NBAS: variants seen among roughly 807,000 people sequenced by gnomAD.
NBAS encodes the protein NAG/BC035112 fusion.
Under a neutral mutation model 302.5 loss-of-function variants are expected in NBAS, and 219 were observed. The observed-to-expected ratio is 0.72, with a 90% CI of 0.65 to 0.81. The LOEUF is 0.81. Among genes scored for constraint, NBAS ranks in the 30% least tolerant of loss-of-function variants. The pLI is 0.00. For synonymous variants in NBAS, 1,118 were observed against 1,021.6 expected, an observed-to-expected ratio of 1.09 and a Z score of -1.80; for missense variants, 2,932 against 2,841.6, an observed-to-expected ratio of 1.03 and a Z score of -0.72.
At chr2:15,059,984 A>AAG in the NBAS span, among the ~76,000 whole-genome samples, 1 of 128,886 alleles carries the variant, frequency 7.8e-6, no homozygotes, top group African/African-American at 2.9e-5. Context: ...AACAAAAAAA[A>AAG]AAACACTCCA....
chr2:15,553,277 C>A (rs894036220), intron 5 of NBAS, 149 bp downstream of exon 5: 7 of 712,888 alleles, frequency 9.8e-6, no homozygotes, highest in Non-Finnish European at 1.7e-5. Context: ...TTTTAACTGG[C>A]GTAAGTTGGT....
At chr2:15,381,027 C>T (rs944791829) in intron 29 of NBAS, among the ~76,000 whole-genome samples, 1 of 152,250 alleles carries the variant, frequency 6.6e-6, no homozygotes, top group East Asian at 1.9e-4. Flanking sequence ...TAAAGAGCAA[C>T]CCTAATCACT....
intron 21 of NBAS, among the ~76,000 whole-genome samples, chr2:15,455,968 C>T (rs1196831470): frequency 6.6e-6 from 1 of 152,122 alleles, no homozygotes; most frequent in Admixed American, 6.5e-5. Context: ...AACAGAAAAT[C>T]TCTATTATCT....
At chr2:14,876,097 C>T in the NBAS span, among the ~76,000 whole-genome samples, 1 of 152,140 alleles carries the variant, frequency 6.6e-6, no homozygotes, top group African/African-American at 2.4e-5. Flanking sequence ...TCTGCCATTC[C>T]CAATGGATTG....
the NBAS span, among the ~76,000 whole-genome samples, chr2:14,832,375 AG>A: frequency 2.6e-5 from 4 of 152,180 alleles, no homozygotes; most frequent in Non-Finnish European, 4.4e-5. Flanking sequence ...AGGCTGAGTA[AG>A]GAATGGGAAG....
At chr2:14,826,019 A>G in the NBAS span, among the ~76,000 whole-genome samples, 27 of 152,364 alleles carry the variant, frequency 1.8e-4, no homozygotes, top group African/African-American at 5.0e-4. Context: ...AGGTTTGGCA[A>G]TTAGTACCCA....
intron 6 of NBAS, among the ~76,000 whole-genome samples, chr2:15,547,215 G>A (rs760291975): frequency 5.3e-5 from 8 of 152,118 alleles, no homozygotes; most frequent in Non-Finnish European, 1.0e-4. Flanking sequence ...GAACCAAATA[G>A]CTCCTATTTC....
chr2:15,232,434 C>G lies in NBAS; in HGVS notation c.6224G>C (p.Ser2075Thr). Residue 2075 changes from serine to threonine, a missense_variant, in exon 47 of 52, where the codon AGT becomes ACT. By Grantham distance (58) the Ser-to-Thr change is moderately conservative (BLOSUM62 1). Coordinates refer to ENST00000281513, the MANE Select transcript of NBAS (RefSeq NM_015909.4). ...GTTCTAGTCTTACCCCTTGTCCACACTGGCGTGGACTGCTGCAACAACACC... is the reference window on the plus strand; with the variant it reads ...GTTCTAGTCTTACCCCTTGTCCACAGTGGCGTGGACTGCTGCAACAACACC... ...LEGVVAAVHASVDKGEELVSP... is the reference protein window; with the variant it reads ...LEGVVAAVHATVDKGEELVSP... 2.5e-6 allele frequency: 4 copies of G among 1,614,154 alleles called. No individual in the cohort carries two copies. The highest frequency in any genetic ancestry group is 2.2e-5 in the East Asian group (1 of 44,886).
the NBAS span, among the ~76,000 whole-genome samples, chr2:14,837,727 T>C: frequency 7.9e-5 from 12 of 151,926 alleles, no homozygotes; most frequent in African/African-American, 2.9e-4. Context: ...TTTTATATTT[T>C]ATGAACCCTA....
At chr2:14,888,209 C>A in the NBAS span, among the ~76,000 whole-genome samples, 1 of 152,196 alleles carries the variant, frequency 6.6e-6, no homozygotes, top group African/African-American at 2.4e-5. Context: ...CAGCTCACGG[C>A]AACCTCCGCC....
At chr2:15,009,835 A>G in the NBAS span, among the ~76,000 whole-genome samples, 36 of 151,794 alleles carry the variant, frequency 2.4e-4, no homozygotes, top group African/African-American at 8.2e-4. Context: ...TGGACCTAAT[A>G]TCTCTACACA....
intron 12 of NBAS, among the ~76,000 whole-genome samples, chr2:15,482,220 T>C (rs928393867): frequency 6.6e-6 from 1 of 152,166 alleles, no homozygotes; most frequent in African/African-American, 2.4e-5. Flanking sequence ...AACCTCGACC[T>C]CCTGGGCTCA....
intron 21 of NBAS, among the ~76,000 whole-genome samples, 161 bp downstream of exon 21, chr2:15,461,040 T>G (rs1205839893): frequency 6.6e-6 from 1 of 152,166 alleles, no homozygotes; most frequent in Non-Finnish European, 1.5e-5. Context: ...ACTGGAAACA[T>G]TTTGGCTTCA....
the NBAS span, among the ~76,000 whole-genome samples, chr2:14,964,194 G>A: frequency 6.6e-6 from 1 of 152,128 alleles, no homozygotes; most frequent in African/African-American, 2.4e-5. Context: ...ACAAGATAAG[G>A]TAAATCAATA....
intron 44 of NBAS, among the ~76,000 whole-genome samples, chr2:15,253,819 T>C (rs1480404485): frequency 3.9e-5 from 6 of 152,170 alleles, no homozygotes; most frequent in Admixed American, 2.0e-4. Context: ...GAGACCACCT[T>C]TGCAAAAATT....
At chr2:15,206,306 G>T (rs950999595) in intron 48 of NBAS, among the ~76,000 whole-genome samples, 8 of 152,124 alleles carry the variant, frequency 5.3e-5, no homozygotes, top group African/African-American at 1.9e-4. Context: ...ATGTGACCTG[G>T]TTTTTTCTGA....
intron 25 of NBAS, among the ~76,000 whole-genome samples, chr2:15,415,075 G>A (rs2148458255): frequency 6.6e-6 from 1 of 152,326 alleles, no homozygotes; most frequent in South Asian, 2.1e-4. Context: ...ACTGGTTAAG[G>A]ACACAGTTGT....
At chr2:14,800,890 T>C in the NBAS span, among the ~76,000 whole-genome samples, 1 of 151,674 alleles carries the variant, frequency 6.6e-6, no homozygotes, top group African/African-American at 2.4e-5. Context: ...TCATTTCCTT[T>C]GTGTGAAAAG....
the NBAS span, among the ~76,000 whole-genome samples, chr2:15,034,114 GAGA>G: frequency 1.4e-5 from 2 of 146,956 alleles, no homozygotes; most frequent in Admixed American, 6.8e-5. Flanking sequence ...GGAGAAGAAG[GAGA>G]AGGAGAAGGA....
Sources: allele counts gnomAD v4.1 joint callset (sites outside exome capture counted in the v4.1 genomes callset), GRCh38; gene constraint gnomAD v4.1.1; transcripts MANE v1.5; gene names NCBI Gene and HGNC (gene_info 2026-07-23, HGNC 2026-07-21).